Variants in CRB2 observed in about 807,000 individuals in gnomAD.
The protein encoded by CRB2 is protein crumbs homolog 2.
In CRB2, 85 loss-of-function variants were observed where a neutral mutation model predicts 110.9. The ratio of observed to expected loss-of-function variants is 0.77; its 90% confidence interval spans 0.64 to 0.92. The LOEUF (loss-of-function observed/expected upper bound fraction) is 0.92, where lower values mean the gene tolerates loss of function less well. Among genes scored for constraint, CRB2 ranks in the 40% least tolerant of loss-of-function variants. CRB2 has a pLI of 0.00. For missense variants in CRB2, 1,843 were observed against 1,851.3 expected (o/e 1.00, Z 0.08); for synonymous variants, 907 against 831.0 (o/e 1.09, Z -1.57).
chr9:123,356,651 G>A (rs969355276), intron 1 of CRB2, among the ~76,000 whole-genome samples: 4 of 151,296 alleles, frequency 2.6e-5, no homozygotes, highest in Non-Finnish European at 4.4e-5. Context: ...GATGGGGTGC[G>A]TGTTTTGGGA....
chr9:123,368,865 C>G (rs1309672110), intron 6 of CRB2: 2 of 1,263,812 alleles, frequency 1.6e-6, no homozygotes, highest in Non-Finnish European at 2.0e-6. Context: ...TGCCCGCCCA[C>G]CACTCTCAAC....
In CRB2 at chr9:123,373,444, G is replaced by A. The variant is rs1334645347; in HGVS notation, c.2913G>A (p.Ser971=). Residue 971 remains serine, a synonymous_variant, in exon 10 of 13, where the codon TCG becomes TCA. Coordinates refer to ENST00000373631, the MANE Select transcript of CRB2 (RefSeq NM_173689.7). ...TGGAGCGCCCGGCGGCCACCACCTC[G>A]CGCTGGCTGCTGTGGCTGGATGGTG... ...LAMERPAATT[S]RWLLWLDGAA... is the part of the protein sequence containing the mutation. 8.3e-6 allele frequency: 12 copies of A among 1,450,522 alleles called. No individual in the cohort carries two copies. The highest frequency in any genetic ancestry group is 2.7e-5 in the South Asian group (2 of 74,816). 89.9% of individuals were successfully genotyped at this position (1,450,522 alleles called of 1,614,324 possible).
Position 123,370,257 on chromosome 9 carries a change from GGCCACACCTGCCCGCTGGCTGCCACCT to G in CRB2, c.1207_1233del (p.His403_Cys411del). ...TTCTGTGCAGCTCACTGGCTGCCAG[GGCCACACCTGCCCGCTGGCTGCCACCT>G]GCATCCCTATCTTCGAGTCTGGGGT... On this transcript the variant is annotated inframe_deletion, in exon 7 of 13. Transcript: ENST00000373631. The G allele has an allele frequency of 6.2e-7, 1 of 1,613,312 alleles. No individual in the cohort carries two copies. The highest frequency in any genetic ancestry group is 2.2e-5 in the East Asian group (1 of 44,886).
At chr9:123,371,690 A>C (rs1182570368) in intron 8 of CRB2, 112 bp downstream of exon 8, 1 of 1,460,958 alleles carries the variant, frequency 6.8e-7, no homozygotes, top group African/African-American at 1.4e-5. Context: ...ACTGAGGCTC[A>C]GGAGGTGAAG....
intron 1 of CRB2, among the ~76,000 whole-genome samples, chr9:123,356,695 A>C (rs1384863912): frequency 6.7e-6 from 1 of 149,342 alleles, no homozygotes; most frequent in Non-Finnish European, 1.5e-5. Flanking sequence ...GGGCTGGGGG[A>C]CTTCTGGGTT....
rs1389777452 is a variant in CRB2, at chr9:123,356,246, G to C, written c.-15G>C. 2 of 1,327,014 alleles carry C rather than the reference G, an allele frequency of 1.5e-6. No homozygotes were observed. The highest frequency in any genetic ancestry group is 1.9e-6 in the Non-Finnish European group (2 of 1,048,202). The allele number at this position is 1,327,014 out of a possible 1,614,324, so 82.2% of individuals were successfully genotyped here. ...CGTTCTCACAGCAGCCGAGCAGAGC[G>C]CAGAGCGGGCTGCCATGGCGCTGGC... On this transcript the variant is annotated 5_prime_UTR_variant, in exon 1 of 13. Transcript: ENST00000373631.
chr9:123,368,834 T>G, intron 6 of CRB2: 1 of 1,245,166 alleles, frequency 8.0e-7, no homozygotes, highest in Non-Finnish European at 1.0e-6. Flanking sequence ...CTCTGCCTCC[T>G]CCCCACTTCC....
At chr9:123,379,503 G>C (rs2042173002), downstream of CRB2, among the ~76,000 whole-genome samples, 1 of 152,226 alleles carries the variant, frequency 6.6e-6, no homozygotes. Context: ...AGCCCTGAGT[G>C]GGCACCGGCT....
At chr9:123,358,993 C>T (rs1350491245) in intron 1 of CRB2, among the ~76,000 whole-genome samples, 2 of 152,136 alleles carry the variant, frequency 1.3e-5, no homozygotes, top group Non-Finnish European at 2.9e-5. Context: ...CTCTGTCTCC[C>T]CCTCACTTCA....
chr9:123,363,076 C>T lies in CRB2; in HGVS notation c.306C>T (p.Gly102=). 1 of 1,611,470 alleles carries T rather than the reference C, an allele frequency of 6.2e-7. No individual in the cohort carries two copies. Among genetic ancestry groups the T allele is most frequent in the Non-Finnish European group, 8.5e-7 (1 of 1,179,822 alleles). ...FRCYCVPGFQ[G]PRCELDIDEC... is the part of the protein sequence containing the mutation. ...GCTACTGCGTGCCGGGTTTCCAGGG[C>T]CCACGCTGCGAGCTGGACATCGATG... Residue 102 remains glycine, a synonymous_variant, in exon 2 of 13, where the codon GGC becomes GGT. Transcript: ENST00000373631.
chr9:123,367,997 C>T (rs902899671), intron 6 of CRB2, among the ~76,000 whole-genome samples: 24 of 151,802 alleles, frequency 1.6e-4, no homozygotes, highest in Non-Finnish European at 2.5e-4. Flanking sequence ...GGGGCTATTG[C>T]AGAGAGTTAG....
Position 123,356,357 on chromosome 9 carries a change from G to A in CRB2, c.94+3G>A. ...CCCTGCCCTTTCCCTCCTGGCTGGTGAGTTGGGGCCCATGTCTGGAGGGGC... is the reference window on the plus strand; with the variant it reads ...CCCTGCCCTTTCCCTCCTGGCTGGTAAGTTGGGGCCCATGTCTGGAGGGGC... On this transcript the variant is annotated splice_donor_region_variant and intron_variant, in intron 1 of 12. Coordinates refer to ENST00000373631, the MANE Select transcript of CRB2 (RefSeq NM_173689.7). The A allele has an allele frequency of 1.9e-6, 3 of 1,545,428 alleles. No homozygotes were observed. Among genetic ancestry groups the A allele is most frequent in the Non-Finnish European group, 2.6e-6 (3 of 1,145,102 alleles).
rs2042143104 is a variant in CRB2 at position 123,378,616 on chromosome 9, T to C, written c.*1554T>C. ...AGGTGGGACCACCTTTCCCTGAACT[T>C]TCTCTACAACCCTTGGGAGCGTGGG... On this transcript the variant is annotated 3_prime_UTR_variant, in exon 13 of 13. Coordinates refer to ENST00000373631, the MANE Select transcript of CRB2 (RefSeq NM_173689.7). 1 of 152,112 alleles carries C rather than the reference T, an allele frequency of 6.6e-6. No individual in the cohort carries two copies. Among genetic ancestry groups the C allele is most frequent in the Non-Finnish European group, 1.5e-5 (1 of 68,044 alleles). 9.4% of individuals were successfully genotyped at this position (152,112 alleles called of 1,614,324 possible). A position where few individuals can be genotyped will look rare whatever the true frequency, so the allele number is the denominator to read the frequency against.
In CRB2 at chr9:123,373,305, G is replaced by GC; in HGVS notation, c.2775dup (p.Asn926GlnfsTer67). The GC allele has an allele frequency of 6.8e-7, 1 of 1,465,058 alleles. No homozygotes were observed. The highest frequency in any genetic ancestry group is 1.5e-5 in the African/African-American group (1 of 67,574). The allele number at this position is 1,465,058 out of a possible 1,614,324, so 90.8% of individuals were successfully genotyped here. On this transcript the variant is annotated frameshift_variant, in exon 10 of 13. Transcript: ENST00000373631. LOFTEE classifies it high-confidence loss of function. ...CTGGAAGGCGTGTGGCTGGCGGTGC[G>GC]CAATGGCTCGCTGGCGGGGGGCGTG...
chr9:123,373,797 C>G lies in CRB2; in HGVS notation c.3266C>G (p.Pro1089Arg). The G allele has an allele frequency of 6.3e-7, 1 of 1,590,484 alleles. No individual in the cohort carries two copies. Among genetic ancestry groups the G allele is most frequent in the Non-Finnish European group, 8.5e-7 (1 of 1,176,250 alleles). The change falls in exon 10 of 13, where the codon CCG (proline) becomes CGG (arginine). Residue 1089 changes from proline (P) to arginine (R), a missense_variant. Transcript: ENST00000373631. ...GCCTGCGGCCCGGGGTGGGAAGGCCCGCGCTGCGAAGCCCACGTCGACCCC... is the reference window on the plus strand; with the variant it reads ...GCCTGCGGCCCGGGGTGGGAAGGCCGGCGCTGCGAAGCCCACGTCGACCCC... ...ACACGPGWEGPRCEAHVDPCH... is the reference protein window; with the variant it reads ...ACACGPGWEGRRCEAHVDPCH...
rs779097286 is a variant in CRB2 at position 123,366,114 on chromosome 9, T to TGAGC, written c.614+8_614+11dup. 1.4e-5 allele frequency: 20 copies of TGAGC among 1,448,022 alleles called. No homozygotes were observed. The African/African-American group carries it at 2.6e-4, about 19-fold the overall frequency. 89.7% of individuals were successfully genotyped at this position (1,448,022 alleles called of 1,614,324 possible). On this transcript the variant is annotated splice_region_variant and intron_variant, in intron 3 of 12. Transcript: ENST00000373631. Reference sequence around the variant, plus strand: ...CACGTGCCACGACCTGGTCAACGGGTGAGCGAGCGGCGGGGCAGGCGGCAG... The same window carrying TGAGC: ...CACGTGCCACGACCTGGTCAACGGGTGAGCGAGCGAGCGGCGGGGCAGGCGGCAG...
chr9:123,358,083 A>G (rs920491367), intron 1 of CRB2, among the ~76,000 whole-genome samples: 1 of 152,192 alleles, frequency 6.6e-6, no homozygotes, highest in Non-Finnish European at 1.5e-5. Context: ...GGTGGGGTAC[A>G]CTGCAGGCAT....
At chr9:123,357,141 C>T (rs775271853) in intron 1 of CRB2, among the ~76,000 whole-genome samples, 69 of 152,022 alleles carry the variant, frequency 4.5e-4, no homozygotes, top group Non-Finnish European at 9.0e-4. Flanking sequence ...CCTGCTGCCC[C>T]CTCCCCAGCA....
rs1316342192 is a variant in CRB2 at position 123,372,171 on chromosome 9, C to T, written c.2437-6C>T. 1.9e-6 allele frequency: 3 copies of T among 1,614,046 alleles called. No homozygotes were observed. The highest frequency in any genetic ancestry group is 2.2e-5 in the East Asian group (1 of 44,890). On this transcript the variant is annotated splice_region_variant and splice_polypyrimidine_tract_variant and intron_variant, in intron 8 of 12. Transcript: ENST00000373631. ...TGAGCCAACCCCTGCCCTGCCTCTC[C>T]CACAGCCTGACCCCTGTTTCAATGG...
Sources: allele counts gnomAD v4.1 joint callset (sites outside exome capture counted in the v4.1 genomes callset), GRCh38; gene constraint gnomAD v4.1.1; transcripts MANE v1.5; gene names NCBI Gene and HGNC (gene_info 2026-07-23, HGNC 2026-07-21).